UBFD1: variants seen among roughly 807,000 people sequenced by gnomAD.
UBFD1 encodes ubiquitin family domain containing 1, also known as ubiquitin domain-containing protein UBFD1.
A neutral mutation model predicts 35.1 loss-of-function variants in UBFD1; 12 were observed. The observed-to-expected ratio is 0.34, with a 90% CI of 0.22 to 0.55. The LOEUF (loss-of-function observed/expected upper bound fraction) is 0.55. UBFD1 is among the 20% of genes least tolerant of loss of function. The pLI is 0.89. For missense variants in UBFD1, 337 were observed against 410.8 expected (o/e 0.82, Z 1.55); for synonymous variants, 178 against 167.6 (o/e 1.06, Z -0.48).
At chr16:23,566,771 GT>G (rs1393347581) in intron 5 of UBFD1, 4 of 501,830 alleles carry the variant, frequency 8.0e-6, no homozygotes, top group Admixed American at 3.6e-5. Context: ...GCCAAACCCA[GT>G]TTCCCACTTG....
At chr16:23,569,885 G>C (rs1222227823) in intron 6 of UBFD1, among the ~76,000 whole-genome samples, 1 of 152,174 alleles carries the variant, frequency 6.6e-6, no homozygotes, top group Non-Finnish European at 1.5e-5. Context: ...TTCAACATAA[G>C]AATCTGTCAG....
intron 5 of UBFD1, among the ~76,000 whole-genome samples, chr16:23,563,135 C>CT (rs1320462691): frequency 3.3e-5 from 5 of 151,682 alleles, no homozygotes; most frequent in African/African-American, 1.2e-4. Flanking sequence ...CCTTTGGGGC[C>CT]TGCATTCTCA....
At position 23,562,221 on chromosome 16, in the gene UBFD1, T is replaced by C. The variant is rs35019787; in HGVS notation, c.580T>C (p.Leu194=). Reference sequence around the variant, plus strand: ...TGACTTATAGCAACACAGGAAAGTGTTGGATAAAGGAAAACCTGAAGATGT... The same window carrying C: ...TGACTTATAGCAACACAGGAAAGTGCTGGATAAAGGAAAACCTGAAGATGT... ...LCRQKQHRKV[L]DKGKPEDVMP... Residue 194 remains leucine (L), a synonymous_variant, in exon 4 of 7, where the codon TTG becomes CTG. Transcript: ENST00000395878. 2.4e-3 allele frequency: 3,949 copies of C among 1,614,020 alleles called. 95 individuals carry two copies. The African/African-American group carries it at 0.046, about 19-fold the overall frequency.
intron 6 of UBFD1, among the ~76,000 whole-genome samples, 171 bp downstream of exon 6, chr16:23,567,240 A>G (rs1966023823): frequency 6.6e-6 from 1 of 152,090 alleles, no homozygotes; most frequent in African/African-American, 2.4e-5. Context: ...CATGGCCTCT[A>G]TTCCTAGTTC....
intron 3 of UBFD1, 100 bp downstream of exon 3, chr16:23,559,776 C>CT: frequency 6.4e-7 from 1 of 1,561,696 alleles, no homozygotes; most frequent in African/African-American, 1.4e-5. Context: ...CCTTTTTGGA[C>CT]AGGGCCCATG....
At chr16:23,559,214 C>T in intron 2 of UBFD1, 1 of 357,812 alleles carries the variant, frequency 2.8e-6, no homozygotes, top group Non-Finnish European at 5.2e-6. Context: ...TTATTCAATG[C>T]TAGCCACCGT....
chr16:23,569,819 G>A (rs1346605728), intron 6 of UBFD1: 1 of 152,152 alleles, frequency 6.6e-6, no homozygotes, highest in African/African-American at 2.4e-5. Context: ...GTTGTTTTGT[G>A]CTTCCAGTTT....
chr16:23,564,070 A>G (rs1375457437), intron 5 of UBFD1: 1 of 152,064 alleles, frequency 6.6e-6, no homozygotes, highest in African/African-American at 2.4e-5. Flanking sequence ...TGCCTAAATC[A>G]CCTGTTTCTG....
chr16:23,557,731 T>A lies in UBFD1; in HGVS notation c.-12T>A. On this transcript the variant is annotated 5_prime_UTR_variant, in exon 1 of 7. Transcript: ENST00000395878. ...GCCTCTGCGGGAGCGGTGGGTGTTGTACACAATCATCATGGCGGCGGCCGG... is the reference window on the plus strand; with the variant it reads ...GCCTCTGCGGGAGCGGTGGGTGTTGAACACAATCATCATGGCGGCGGCCGG... 7.4e-7 allele frequency: 1 copy of A among 1,344,072 alleles called. No individual in the cohort carries two copies. Among genetic ancestry groups the A allele is most frequent in the Non-Finnish European group, 9.6e-7 (1 of 1,046,570 alleles). The allele number at this position is 1,344,072 out of a possible 1,614,324, so 83.3% of individuals were successfully genotyped here.
chr16:23,562,084 TGTC>T (rs1965943733), intron 3 of UBFD1, 119 bp from the exon 4 acceptor site: 1 of 823,294 alleles, frequency 1.2e-6, no homozygotes, highest in Non-Finnish European at 1.9e-6. Flanking sequence ...ATCCATAGTC[TGTC>T]GTCATTAAAA....
chr16:23,558,375 TCC>T, intron 2 of UBFD1, 96 bp downstream of exon 2: 1 of 1,443,660 alleles, frequency 6.9e-7, no homozygotes, highest in Non-Finnish European at 9.3e-7. Flanking sequence ...TTGCATCAGG[TCC>T]CCCCATCCTT....
chr16:23,566,609 A>G, intron 5 of UBFD1: 1 of 168,732 alleles, frequency 5.9e-6, no homozygotes, highest in Non-Finnish European at 1.3e-5. Context: ...TGATCCACCC[A>G]CCTTGGCCAA....
chr16:23,560,636 C>G (rs917677006), intron 3 of UBFD1, among the ~76,000 whole-genome samples: 3 of 152,064 alleles, frequency 2.0e-5, no homozygotes, highest in Non-Finnish European at 4.4e-5. Flanking sequence ...ACAGCAAAAC[C>G]TGACCAGAAT....
At chr16:23,562,413 G>T (rs1031108917) in intron 4 of UBFD1, 142 bp downstream of exon 4, 1 of 865,428 alleles carries the variant, frequency 1.2e-6, no homozygotes, top group Admixed American at 2.8e-5. Flanking sequence ...CCAGGCTGGG[G>T]TGTGCCACCA....
chr16:23,574,340 T>A lies in UBFD1; in HGVS notation c.*3750T>A. ...TAAAGTGTAACCTTGAATAGCTGTC[T>A]TATTGTTTATCCTGTAAGATTAGTC... On this transcript the variant is annotated 3_prime_UTR_variant, in exon 7 of 7. Transcript: ENST00000395878. 6.6e-6 allele frequency: 1 copy of A among 152,638 alleles called. No individual in the cohort carries two copies. The highest frequency in any genetic ancestry group is 1.5e-5 in the Non-Finnish European group (1 of 68,032). The allele number at this position is 152,638 out of a possible 1,614,324, so 9.5% of individuals were successfully genotyped here.
chr16:23,557,906 A>G, intron 1 of UBFD1, 44 bp from the exon 2 acceptor site: 1 of 1,282,772 alleles, frequency 7.8e-7, no homozygotes, highest in Non-Finnish European at 9.9e-7. Context: ...GTCCGTTCCC[A>G]AGCCCAGCCC....
At chr16:23,559,754 C>G in intron 3 of UBFD1, 78 bp downstream of exon 3, 1 of 1,584,310 alleles carries the variant, frequency 6.3e-7, no homozygotes, top group Non-Finnish European at 8.6e-7. Flanking sequence ...TATATTCTCC[C>G]TAGAATAAGC....
Position 23,559,661 on chromosome 16 carries a change from T to G in UBFD1, c.549T>G (p.Pro183=). 1 of 1,614,240 alleles carries G rather than the reference T, an allele frequency of 6.2e-7. No homozygotes were observed. Among genetic ancestry groups the G allele is most frequent in the Non-Finnish European group, 8.5e-7 (1 of 1,180,040 alleles). The change falls in exon 3 of 7, where the codon CCT becomes CCG. Residue 183 remains proline (P), a synonymous_variant. Transcript: ENST00000395878. ...AGGCCGAAGAGAACAAGAAGGAGCC[T>G]CTCTGCAGGCAGAAAGTGAGTCCAT... is the stretch of plus-strand genomic sequence containing the variant. ...DAKAEENKKE[P]LCRQKQHRKV... is the part of the protein sequence containing the mutation.
In UBFD1 at chr16:23,573,693, CGTTGCCATGTCTCAGAAAA is replaced by C. The variant is rs1966117078; in HGVS notation, c.*3112_*3130del. The C allele has an allele frequency of 6.6e-6, 1 of 152,668 alleles. No homozygotes were observed. Among genetic ancestry groups the C allele is most frequent in the Non-Finnish European group, 1.5e-5 (1 of 68,078 alleles). The allele number at this position is 152,668 out of a possible 1,614,324, so 9.5% of individuals were successfully genotyped here. On this transcript the variant is annotated 3_prime_UTR_variant, in exon 7 of 7. Transcript: ENST00000395878. ...AGGGCCAAAGAGATTAACTCTGCCT[CGTTGCCATGTCTCAGAAAA>C]GTTGCCATATTTCACCCAGAAGGGG...
Sources: allele counts gnomAD v4.1 joint callset (sites outside exome capture counted in the v4.1 genomes callset), GRCh38; gene constraint gnomAD v4.1.1; transcripts MANE v1.5; gene names NCBI Gene and HGNC (gene_info 2026-07-23, HGNC 2026-07-21).